Variants in LDAH observed in about 807,000 individuals in gnomAD.
LDAH encodes lipid droplet-associated hydrolase.
In LDAH, 26 loss-of-function variants were observed where a neutral mutation model predicts 29.6. The ratio of observed to expected loss-of-function variants is 0.88; its 90% CI spans 0.64 to 1.22. The LOEUF (loss-of-function observed/expected upper bound fraction) is 1.22. LDAH is among the 50% of genes most tolerant of loss of function. The pLI, the probability that LDAH is intolerant of heterozygous loss-of-function variation, is 0.00. For missense variants in LDAH, 344 were observed against 387.3 expected (o/e 0.89, Z 0.94); for synonymous variants, 117 against 133.0 (o/e 0.88, Z 0.83).
chr2:20,797,868 T>C (rs1004845094), intron 2 of LDAH, among the ~76,000 whole-genome samples: 14 of 150,226 alleles, frequency 9.3e-5, no homozygotes, highest in Admixed American at 4.6e-4. Flanking sequence ...ATGAAATGAG[T>C]TTCTGGCTTA....
At chr2:20,762,592 A>G (rs1265080140) in intron 4 of LDAH, among the ~76,000 whole-genome samples, 1 of 152,170 alleles carries the variant, frequency 6.6e-6, no homozygotes, top group Non-Finnish European at 1.5e-5. Flanking sequence ...TACCATACTC[A>G]ATATAAACAG....
At chr2:20,740,884 G>A (rs1435529082) in intron 4 of LDAH, among the ~76,000 whole-genome samples, 3 of 152,166 alleles carry the variant, frequency 2.0e-5, no homozygotes, top group Non-Finnish European at 2.9e-5. Flanking sequence ...ATTCCCACCA[G>A]TAATGAATGA....
At chr2:20,716,091 G>A (rs1253831688) in intron 5 of LDAH, among the ~76,000 whole-genome samples, 1 of 152,182 alleles carries the variant, frequency 6.6e-6, no homozygotes, top group African/African-American at 2.4e-5. Flanking sequence ...ATGCTGGAGA[G>A]GATATGGAGA....
intron 4 of LDAH, among the ~76,000 whole-genome samples, chr2:20,764,476 G>C (rs1558455802): frequency 6.6e-6 from 1 of 152,122 alleles, no homozygotes; most frequent in Non-Finnish European, 1.5e-5. Context: ...CTCAATTCTA[G>C]GACTCTGATT....
At chr2:20,699,199 T>C (rs1663732197) in intron 6 of LDAH, among the ~76,000 whole-genome samples, 1 of 152,208 alleles carries the variant, frequency 6.6e-6, no homozygotes, top group South Asian at 2.1e-4. Context: ...TGGACAGTCC[T>C]GGATAGTTCT....
intron 6 of LDAH, among the ~76,000 whole-genome samples, chr2:20,692,644 A>G (rs757140574): frequency 2.0e-5 from 3 of 152,234 alleles, no homozygotes; most frequent in Non-Finnish European, 4.4e-5. Context: ...GGATAAACTG[A>G]ATTTTAGAAG....
At chr2:20,755,149 G>GTT (rs932255440) in intron 4 of LDAH, among the ~76,000 whole-genome samples, 7 of 151,808 alleles carry the variant, frequency 4.6e-5, no homozygotes, top group Non-Finnish European at 1.0e-4. Flanking sequence ...GTGTGTGTGT[G>GTT]TGTGTGTGTG....
intron 1 of LDAH, among the ~76,000 whole-genome samples, chr2:20,813,788 T>C (rs1247695169): frequency 1.3e-5 from 2 of 152,228 alleles, no homozygotes; most frequent in Non-Finnish European, 2.9e-5. Flanking sequence ...CCTTACTCTT[T>C]AATTTGCATT....
At chr2:20,756,246 G>A (rs1336997720) in intron 4 of LDAH, among the ~76,000 whole-genome samples, 2 of 152,028 alleles carry the variant, frequency 1.3e-5, no homozygotes, top group African/African-American at 4.8e-5. Flanking sequence ...TATTGGTCAG[G>A]CTGGTCTCGA....
At chr2:20,803,041 G>T (rs868111675) in intron 1 of LDAH, among the ~76,000 whole-genome samples, 1 of 152,134 alleles carries the variant, frequency 6.6e-6, no homozygotes, top group Non-Finnish European at 1.5e-5. Flanking sequence ...GAGACAATTT[G>T]CCCTCAGAGG....
At chr2:20,709,584 G>C (rs887176184) in intron 5 of LDAH, among the ~76,000 whole-genome samples, 1 of 152,122 alleles carries the variant, frequency 6.6e-6, no homozygotes, top group African/African-American at 2.4e-5. Flanking sequence ...AGGAACTTTG[G>C]AAAACTGTTT....
chr2:20,740,314 G>C (rs1667088381), intron 4 of LDAH, 109 bp from the exon 5 acceptor site: 3 of 754,238 alleles, frequency 4.0e-6, no homozygotes, highest in Non-Finnish European at 4.4e-6. Context: ...AGAATGACTA[G>C]AGATCTCTTC....
At chr2:20,768,247 G>A (rs1669172523) in intron 4 of LDAH, among the ~76,000 whole-genome samples, 1 of 152,190 alleles carries the variant, frequency 6.6e-6, no homozygotes, top group Admixed American at 6.5e-5. Flanking sequence ...TGAAGAGAAG[G>A]AGAGAAAATC....
At chr2:20,805,467 C>G (rs1257276367) in intron 1 of LDAH, among the ~76,000 whole-genome samples, 1 of 152,118 alleles carries the variant, frequency 6.6e-6, no homozygotes, top group Non-Finnish European at 1.5e-5. Context: ...CCTAAGAATC[C>G]AAGGTAGTTC....
chr2:20,755,129 T>C lies in LDAH; in HGVS notation c.469-14924A>G, dbSNP rs500295. Among the ~76,000 whole-genome samples the C allele has an allele frequency of 5.1e-5, 6 of 118,296 alleles. No individual in the cohort carries two copies. In the East Asian group the frequency reaches 1.2e-3, roughly 25 times the overall value. 77.6% of individuals were successfully genotyped at this position (118,296 alleles called of 152,430 possible). Reference sequence around the variant, plus strand: ...AAGAAGAAATATTGTGTGTCTGTGTTTGTGTGTGTGTGTGTGTGTGTGTGT... The same window carrying C: ...AAGAAGAAATATTGTGTGTCTGTGTCTGTGTGTGTGTGTGTGTGTGTGTGT... On this transcript the variant is annotated intron_variant, in intron 4 of 6. Transcript: ENST00000237822.
At position 20,817,196 on chromosome 2, in the gene LDAH, G is replaced by A. The variant is rs181851715; in HGVS notation, c.-3+5841C>T. Among the ~76,000 whole-genome samples, 20 of 151,914 alleles carry A rather than the reference G, an allele frequency of 1.3e-4. No homozygotes were observed. The East Asian group carries it at 1.5e-3, about 12-fold the overall frequency. The stretch of plus-strand genomic sequence containing the variant: ...AGAAGGAAGAAAATAATAAATATAA[G>A]AGCAGAAATCAATGACATTAAAAAT... On this transcript the variant is annotated intron_variant, in intron 1 of 6. Coordinates refer to ENST00000237822, the MANE Select transcript of LDAH (RefSeq NM_021925.4).
chr2:20,798,813 C>T (rs936180777), intron 2 of LDAH, among the ~76,000 whole-genome samples: 4 of 150,270 alleles, frequency 2.7e-5, no homozygotes, highest in East Asian at 2.0e-4. Context: ...ACCCGGGAGG[C>T]GGAGGTTGCA....
intron 4 of LDAH, among the ~76,000 whole-genome samples, chr2:20,758,947 T>C (rs964661351): frequency 6.6e-6 from 1 of 152,214 alleles, no homozygotes; most frequent in Non-Finnish European, 1.5e-5. Context: ...AATATGTCCT[T>C]AAGTTTTTAT....
chr2:20,695,316 T>C (rs1663358156), intron 6 of LDAH, among the ~76,000 whole-genome samples: 1 of 152,168 alleles, frequency 6.6e-6, no homozygotes, highest in African/African-American at 2.4e-5. Flanking sequence ...TGAAAGTATC[T>C]GAAAAGGGGA....
Sources: gnomAD v4.1 joint callset for allele counts (sites outside exome capture counted in the v4.1 genomes callset) on GRCh38, gnomAD v4.1.1 for gene constraint, MANE v1.5 for transcripts, NCBI Gene and HGNC (gene_info 2026-07-23, HGNC 2026-07-21) for gene names.